The following CTIF variants were observed in gnomAD, a reference collection of about 807,000 sequenced individuals.
The protein encoded by CTIF is CBP80/20-dependent translation initiation factor.
CTIF carries 21 observed loss-of-function variants against 66.0 expected under a neutral mutation model. The ratio of observed to expected loss-of-function variants is 0.32; its 90% CI spans 0.23 to 0.46. The LOEUF is 0.46. CTIF is among the 20% of genes least tolerant of loss of function. The pLI, the probability that CTIF is intolerant of heterozygous loss-of-function variation, is 1.00. For missense variants in CTIF, 739 were observed against 812.7 expected, an observed-to-expected ratio of 0.91 and a Z score of 1.10; for synonymous variants, 345 against 326.4, an observed-to-expected ratio of 1.06 and a Z score of -0.62.
intron 9 of CTIF, among the ~76,000 whole-genome samples, chr18:48,775,817 G>A (rs1251816855): frequency 6.6e-6 from 1 of 152,242 alleles, no homozygotes; most frequent in Non-Finnish European, 1.5e-5. Flanking sequence ...TTGAGGGACT[G>A]GGGGTTGCAG....
At chr18:48,785,087 T>C (rs1187131760) in intron 9 of CTIF, among the ~76,000 whole-genome samples, 1 of 152,228 alleles carries the variant, frequency 6.6e-6, no homozygotes, top group Non-Finnish European at 1.5e-5. Context: ...GTGAATTTCT[T>C]TTCTCTTTTC....
At chr18:48,813,208 A>C (rs1443279014) in intron 9 of CTIF, among the ~76,000 whole-genome samples, 1 of 152,130 alleles carries the variant, frequency 6.6e-6, no homozygotes, top group African/African-American at 2.4e-5. Context: ...CCTGTCTCAC[A>C]CTTCATTTCA....
intron 1 of CTIF, among the ~76,000 whole-genome samples, chr18:48,603,921 T>G (rs2090154173): frequency 6.6e-6 from 1 of 151,008 alleles, no homozygotes; most frequent in Non-Finnish European, 1.5e-5. Flanking sequence ...CAATCTTGGC[T>G]CACTGCAACC....
chr18:48,576,321 A>G (rs953670909), intron 1 of CTIF, among the ~76,000 whole-genome samples: 2 of 152,246 alleles, frequency 1.3e-5, no homozygotes, highest in African/African-American at 4.8e-5. Flanking sequence ...TGGCCTGGCC[A>G]TTGTCATTGC....
At chr18:48,572,521 T>C (rs1383311579) in intron 1 of CTIF, among the ~76,000 whole-genome samples, 3 of 152,106 alleles carry the variant, frequency 2.0e-5, no homozygotes, top group Non-Finnish European at 2.9e-5. Flanking sequence ...TTGCCCAAGA[T>C]TACACAGCTA....
At chr18:48,786,480 T>C (rs976068902) in intron 9 of CTIF, among the ~76,000 whole-genome samples, 2 of 152,228 alleles carry the variant, frequency 1.3e-5, no homozygotes, top group African/African-American at 4.8e-5. Flanking sequence ...AGTTTCTTCA[T>C]CTGCATGATG....
At chr18:48,677,375 G>A (rs2091648665) in intron 6 of CTIF, among the ~76,000 whole-genome samples, 1 of 152,198 alleles carries the variant, frequency 6.6e-6, no homozygotes, top group Non-Finnish European at 1.5e-5. Flanking sequence ...ATTATGGACT[G>A]AGTTTAAGTG....
At position 48,619,715 on chromosome 18, in the gene CTIF, G is replaced by A; in HGVS notation, c.150G>A (p.Glu50=). The A allele has an allele frequency of 6.2e-7, 1 of 1,604,408 alleles. No homozygotes were observed. The highest frequency in any genetic ancestry group is 1.1e-5 in the South Asian group (1 of 88,806). The change falls in exon 2 of 12, where the codon GAG becomes GAA. Residue 50 remains glutamate, a synonymous_variant. Coordinates refer to ENST00000256413, the MANE Select transcript of CTIF (RefSeq NM_014772.3). ...LLADKTEGDG[E]SERTQSHISQ... is the part of the protein sequence containing the mutation. ...CTGACAAGACGGAGGGTGATGGCGAGAGCGAGAGGACCCAGTCCCACATCT... is the reference window on the plus strand; with the variant it reads ...CTGACAAGACGGAGGGTGATGGCGAAAGCGAGAGGACCCAGTCCCACATCT...
intron 1 of CTIF, among the ~76,000 whole-genome samples, chr18:48,571,188 G>A (rs2089408295): frequency 6.6e-6 from 1 of 152,100 alleles, no homozygotes; most frequent in South Asian, 2.1e-4. Context: ...TTGTTTGTTT[G>A]TTTGTTTGCC....
intron 1 of CTIF, among the ~76,000 whole-genome samples, chr18:48,541,344 A>G (rs1023451045): frequency 6.6e-6 from 1 of 151,996 alleles, no homozygotes; most frequent in East Asian, 1.9e-4. Flanking sequence ...GGCCGCGGCT[A>G]GAGCCTCCGT....
chr18:48,677,484 T>C (rs905314397), intron 6 of CTIF, among the ~76,000 whole-genome samples: 2 of 152,182 alleles, frequency 1.3e-5, no homozygotes, highest in African/African-American at 4.8e-5. Context: ...ACAGTAACAC[T>C]AGCGAACATT....
chr18:48,701,529 G>A (rs567760582), intron 6 of CTIF, among the ~76,000 whole-genome samples: 1 of 145,980 alleles, frequency 6.9e-6, no homozygotes, highest in East Asian at 2.0e-4. Context: ...CAGTGCCTCC[G>A]TCCCCCAGCC....
At chr18:48,636,564 C>A in intron 2 of CTIF, 50 bp from the exon 3 acceptor site, 2 of 1,359,276 alleles carry the variant, frequency 1.5e-6, no homozygotes, top group Non-Finnish European at 9.8e-7. Flanking sequence ...GCAGAGTGAG[C>A]ATGGGCCTGG....
chr18:48,676,202 C>T (rs369534132), intron 6 of CTIF, among the ~76,000 whole-genome samples: 9 of 152,190 alleles, frequency 5.9e-5, no homozygotes, highest in East Asian at 5.8e-4. Flanking sequence ...ACAGGGCCCT[C>T]GGCGCCCTGC....
At chr18:48,750,033 G>T (rs1907654330) in intron 7 of CTIF, among the ~76,000 whole-genome samples, 1 of 152,240 alleles carries the variant, frequency 6.6e-6, no homozygotes, top group South Asian at 2.1e-4. Flanking sequence ...AACTTTTGAG[G>T]CTGAGGATTC....
At chr18:48,780,925 C>T (rs2146048888) in intron 9 of CTIF, among the ~76,000 whole-genome samples, 1 of 152,340 alleles carries the variant, frequency 6.6e-6, no homozygotes, top group Middle Eastern at 3.4e-3. Context: ...CTGGACTCCT[C>T]TGTCATCCCA....
At chr18:48,601,737 A>C (rs1350892918) in intron 1 of CTIF, among the ~76,000 whole-genome samples, 1 of 152,196 alleles carries the variant, frequency 6.6e-6, no homozygotes, top group Non-Finnish European at 1.5e-5. Context: ...TGTTCAACTC[A>C]CTGTCTTGTA....
chr18:48,739,041 G>A (rs1271965731), intron 7 of CTIF, among the ~76,000 whole-genome samples: 1 of 152,154 alleles, frequency 6.6e-6, no homozygotes, highest in African/African-American at 2.4e-5. Context: ...GAAGCAGAAG[G>A]AAAGGTCAGC....
At chr18:48,593,390 T>C (rs1461087064) in intron 1 of CTIF, among the ~76,000 whole-genome samples, 1 of 151,762 alleles carries the variant, frequency 6.6e-6, no homozygotes, top group Non-Finnish European at 1.5e-5. Flanking sequence ...TTTTTTCTTT[T>C]TTTTTTTTGA....
Sources: gnomAD v4.1 joint callset for allele counts (sites outside exome capture counted in the v4.1 genomes callset) on GRCh38, gnomAD v4.1.1 for gene constraint, MANE v1.5 for transcripts, NCBI Gene and HGNC (gene_info 2026-07-23, HGNC 2026-07-21) for gene names.